Variants in PMFBP1 observed in about 807,000 individuals in gnomAD.
The protein encoded by PMFBP1 is polyamine-modulated factor 1-binding protein 1.
Under a neutral mutation model 137.8 loss-of-function variants are expected in PMFBP1, and 131 were observed. The observed-to-expected ratio is 0.95, with a 90% CI of 0.82 to 1.10. The LOEUF (loss-of-function observed/expected upper bound fraction) is 1.10, where lower values mean the gene tolerates loss of function less well. Ranked by LOEUF, PMFBP1 falls within the 50% of genes least tolerant of loss-of-function variation. PMFBP1 has a pLI of 0.00. For synonymous variants in PMFBP1, 490 were observed against 450.4 expected, an observed-to-expected ratio of 1.09 and a Z score of -1.11; for missense variants, 1,199 against 1,175.4, an observed-to-expected ratio of 1.02 and a Z score of -0.29.
chr16:72,127,673 C>A (rs2042481926), intron 14 of PMFBP1, among the ~76,000 whole-genome samples: 1 of 152,296 alleles, frequency 6.6e-6, no homozygotes, highest in African/African-American at 2.4e-5. Context: ...AGTAAAAGTT[C>A]TAATAAAAGA....
the PMFBP1 span, among the ~76,000 whole-genome samples, chr16:72,226,753 T>C: frequency 6.6e-6 from 1 of 152,098 alleles, no homozygotes; most frequent in Non-Finnish European, 1.5e-5. Flanking sequence ...GAACTAACAA[T>C]ATTCTAGAGA....
chr16:72,119,897 A>G lies in PMFBP1; in HGVS notation c.2961T>C (p.Gly987=). 1 of 1,614,124 alleles carries G rather than the reference A, an allele frequency of 6.2e-7. No homozygotes were observed. The highest frequency in any genetic ancestry group is 1.1e-5 in the South Asian group (1 of 91,076). Residue 987 remains glycine (G), a synonymous_variant, in exon 20 of 21, where the codon GGT becomes GGC. Coordinates refer to ENST00000237353, the MANE Select transcript of PMFBP1 (RefSeq NM_031293.3). ...LGWKGLPQDM[G]QRMDLTKYIG... ...TGTACTTGGTGAGGTCCATTCTTTG[A>G]CCCATATCCTGGGGCAACCCCTTCC... is the stretch of plus-strand genomic sequence containing the variant.
At chr16:72,187,281 C>G in the PMFBP1 span, among the ~76,000 whole-genome samples, 5 of 152,118 alleles carry the variant, frequency 3.3e-5, no homozygotes, top group African/African-American at 9.7e-5. Context: ...TTAGATGAGT[C>G]TGCAGATTAT....
the PMFBP1 span, among the ~76,000 whole-genome samples, chr16:72,205,097 G>A: frequency 2.6e-5 from 4 of 152,178 alleles, no homozygotes; most frequent in Non-Finnish European, 2.9e-5. Flanking sequence ...GTGTGTCTAG[G>A]CTGTGACTCT....
the PMFBP1 span, among the ~76,000 whole-genome samples, chr16:72,191,344 C>A: frequency 6.6e-6 from 1 of 152,190 alleles, no homozygotes; most frequent in Non-Finnish European, 1.5e-5. Flanking sequence ...CTAGCATTAT[C>A]TTTCTTCTTC....
At chr16:72,132,661 G>A (rs1373872013) in intron 10 of PMFBP1, 87 bp downstream of exon 10, 1 of 1,576,108 alleles carries the variant, frequency 6.3e-7, no homozygotes, top group African/African-American at 1.4e-5. Flanking sequence ...GAGGGGAAGT[G>A]GCCACTGGGA....
At chr16:72,133,809 C>T (rs1346570964) in intron 9 of PMFBP1, among the ~76,000 whole-genome samples, 1 of 152,164 alleles carries the variant, frequency 6.6e-6, no homozygotes, top group African/African-American at 2.4e-5. Context: ...TGGTGATCAG[C>T]AGACTCCTGG....
the PMFBP1 span, among the ~76,000 whole-genome samples, chr16:72,230,883 T>A: frequency 6.6e-6 from 1 of 152,168 alleles, no homozygotes. Flanking sequence ...GTCATAAGCA[T>A]ATAATCAATC....
At chr16:72,172,294 G>C (rs1596983489), upstream of PMFBP1, 1 of 151,972 alleles carries the variant, frequency 6.6e-6, no homozygotes, top group East Asian at 1.9e-4. Context: ...GGACAGGCTA[G>C]GTGATGGTGT....
chr16:72,229,779 T>C, the PMFBP1 span, among the ~76,000 whole-genome samples: 1 of 152,202 alleles, frequency 6.6e-6, no homozygotes, highest in Non-Finnish European at 1.5e-5. Flanking sequence ...CCATTAGGGT[T>C]TGCTATTTGT....
the PMFBP1 span, among the ~76,000 whole-genome samples, chr16:72,182,457 T>C: frequency 5.0e-5 from 7 of 140,818 alleles, no homozygotes; most frequent in Admixed American, 7.5e-5. Context: ...GATCATACCA[T>C]TGCACTCCAG....
chr16:72,224,378 G>A, the PMFBP1 span, among the ~76,000 whole-genome samples: 2 of 152,090 alleles, frequency 1.3e-5, no homozygotes, highest in South Asian at 2.1e-4. Flanking sequence ...ATGAAACCAC[G>A]TGACTTCTGT....
At chr16:72,154,555 T>A in intron 3 of PMFBP1, 96 bp from the exon 4 acceptor site, 1 of 1,322,124 alleles carries the variant, frequency 7.6e-7, no homozygotes, top group Non-Finnish European at 1.0e-6. Context: ...GTCATTCACA[T>A]CCATCTATCC....
intron 12 of PMFBP1, 129 bp from the exon 13 acceptor site, chr16:72,129,362 T>C: frequency 9.4e-7 from 1 of 1,069,236 alleles, no homozygotes; most frequent in Non-Finnish European, 1.3e-6. Context: ...ATATAGCATA[T>C]GTAAAATAAA....
chr16:72,155,610 G>A (rs2042968906), intron 3 of PMFBP1, among the ~76,000 whole-genome samples: 1 of 152,202 alleles, frequency 6.6e-6, no homozygotes, highest in East Asian at 1.9e-4. Context: ...TGGCTCCCGA[G>A]GGGTTGAGCT....
intron 20 of PMFBP1, 57 bp from the exon 21 acceptor site, chr16:72,119,411 T>C (rs2042343000): frequency 6.2e-7 from 1 of 1,613,630 alleles, no homozygotes; most frequent in African/African-American, 1.3e-5. Flanking sequence ...AACGAGGTGA[T>C]TCCTCAAGGG....
At chr16:72,118,105 A>G (rs2042326375), downstream of PMFBP1, among the ~76,000 whole-genome samples, 1 of 152,226 alleles carries the variant, frequency 6.6e-6, no homozygotes, top group East Asian at 1.9e-4. Flanking sequence ...TATATGAAAT[A>G]TTTTGGTAAA....
chr16:72,244,541 A>G, the PMFBP1 span, among the ~76,000 whole-genome samples: 4 of 152,212 alleles, frequency 2.6e-5, no homozygotes, highest in Admixed American at 2.0e-4. Flanking sequence ...TAATTGCACC[A>G]GAAAGGAAAC....
the PMFBP1 span, among the ~76,000 whole-genome samples, chr16:72,204,290 T>A: frequency 1.3e-5 from 2 of 151,880 alleles, no homozygotes; most frequent in Admixed American, 1.3e-4. Flanking sequence ...TGGGCTCAAG[T>A]GATTCCTCTG....
Sources: gnomAD v4.1 joint callset for allele counts (sites outside exome capture counted in the v4.1 genomes callset) on GRCh38, gnomAD v4.1.1 for gene constraint, MANE v1.5 for transcripts, NCBI Gene and HGNC (gene_info 2026-07-23, HGNC 2026-07-21) for gene names.